The following XKR6 variants were observed in gnomAD, a reference collection of about 807,000 sequenced individuals.
XKR6 encodes the protein XK related 6.
In XKR6, 22 loss-of-function variants were observed where a neutral mutation model predicts 56.7. The observed-to-expected ratio is 0.39, with a 90% CI of 0.28 to 0.55. The LOEUF (loss-of-function observed/expected upper bound fraction) is 0.55, where lower values mean the gene tolerates loss of function less well. Ranked by LOEUF, XKR6 falls within the 20% of genes least tolerant of loss-of-function variation. The pLI, the probability that XKR6 is intolerant of heterozygous loss-of-function variation, is 0.66. For synonymous variants in XKR6, 524 were observed against 387.8 expected, an observed-to-expected ratio of 1.35 and a Z score of -4.13; for missense variants, 852 against 889.0, an observed-to-expected ratio of 0.96 and a Z score of 0.53.
At chr8:10,945,067 G>T (rs766264699) in intron 1 of XKR6, among the ~76,000 whole-genome samples, 1 of 152,120 alleles carries the variant, frequency 6.6e-6, no homozygotes, top group Non-Finnish European at 1.5e-5. Flanking sequence ...CCCAGGGCTC[G>T]GGAGAGCATT....
rs767112409 is a variant in XKR6 at position 10,945,960 on chromosome 8, T to C, written c.765-21130A>G. Among the ~76,000 whole-genome samples, 45 of 152,184 alleles carry C rather than the reference T, an allele frequency of 3.0e-4. No homozygotes were observed. The East Asian group carries it at 3.1e-3, about 10-fold the overall frequency. On this transcript the variant is annotated intron_variant, in intron 1 of 2. Transcript: ENST00000416569. ...CCCGGAGTGAATATGGGGACTATAT[T>C]TGATTCCTCTCTAGCCCCCACGCAG...
intron 1 of XKR6, chr8:11,062,759 C>A (rs575781782): frequency 5.0e-5 from 23 of 456,140 alleles, no homozygotes; most frequent in African/African-American, 2.8e-4. Flanking sequence ...TACGTACTTA[C>A]AGAAATTGTT....
At chr8:10,957,425 G>A (rs560208761) in intron 1 of XKR6, among the ~76,000 whole-genome samples, 12 of 152,242 alleles carry the variant, frequency 7.9e-5, no homozygotes, top group Middle Eastern at 3.4e-3. Flanking sequence ...CTACTCCCTG[G>A]GGTCCACAGA....
At chr8:11,110,673 T>A (rs1798853479) in intron 1 of XKR6, among the ~76,000 whole-genome samples, 1 of 152,168 alleles carries the variant, frequency 6.6e-6, no homozygotes. Context: ...AGTTTCTTAA[T>A]CCCAGGAACA....
intron 1 of XKR6, among the ~76,000 whole-genome samples, chr8:10,978,894 C>G (rs1473643507): frequency 6.6e-6 from 1 of 152,202 alleles, no homozygotes; most frequent in East Asian, 1.9e-4. Flanking sequence ...ACGTTCCAGG[C>G]CTCCCAGATG....
intron 1 of XKR6, among the ~76,000 whole-genome samples, chr8:10,940,315 A>G (rs1018118014): frequency 6.6e-6 from 1 of 152,218 alleles, no homozygotes; most frequent in Middle Eastern, 3.2e-3. Context: ...TCCTTGGTCA[A>G]CATTCGAGAA....
intron 1 of XKR6, among the ~76,000 whole-genome samples, chr8:10,939,325 G>A (rs1386854646): frequency 1.3e-5 from 2 of 152,172 alleles, no homozygotes; most frequent in Non-Finnish European, 2.9e-5. Context: ...GTCTCTTTGG[G>A]CCTGGCCCCA....
intron 1 of XKR6, among the ~76,000 whole-genome samples, chr8:11,146,987 T>A (rs1381702978): frequency 2.7e-5 from 4 of 150,664 alleles, no homozygotes; most frequent in Non-Finnish European, 5.9e-5. Flanking sequence ...AATGGGGAGG[T>A]GATGGTCAAA....
intron 2 of XKR6, among the ~76,000 whole-genome samples, chr8:10,900,881 G>A (rs1800017826): frequency 7.7e-5 from 8 of 104,258 alleles, no homozygotes; most frequent in Non-Finnish European, 1.6e-4. Context: ...TTGAGACAGG[G>A]TTTTACCCTG....
At chr8:11,186,451 C>T (rs969081103) in intron 1 of XKR6, among the ~76,000 whole-genome samples, 1 of 152,152 alleles carries the variant, frequency 6.6e-6, no homozygotes, top group Non-Finnish European at 1.5e-5. Context: ...ATCACAGGCC[C>T]CTGCAGCCTC....
chr8:10,954,638 A>G (rs1030633342), intron 1 of XKR6, among the ~76,000 whole-genome samples: 1 of 152,142 alleles, frequency 6.6e-6, no homozygotes, highest in African/African-American at 2.4e-5. Context: ...TGTCCTCTGA[A>G]GCACAGAAAT....
intron 1 of XKR6, among the ~76,000 whole-genome samples, chr8:11,143,377 T>G (rs1448683315): frequency 6.6e-6 from 1 of 152,106 alleles, no homozygotes; most frequent in Non-Finnish European, 1.5e-5. Context: ...CACTACAACA[T>G]ATAATTGTGC....
intron 1 of XKR6, among the ~76,000 whole-genome samples, chr8:10,953,754 C>T (rs530831390): frequency 6.6e-6 from 1 of 152,224 alleles, no homozygotes; most frequent in Non-Finnish European, 1.5e-5. Flanking sequence ...TCGCCACCAT[C>T]TAGTCCCAGA....
At position 11,200,856 on chromosome 8, in the gene XKR6, A is replaced by T; in HGVS notation, c.484T>A (p.Phe162Ile). 1 of 1,611,990 alleles carries T rather than the reference A, an allele frequency of 6.2e-7. No homozygotes were observed. Among genetic ancestry groups the T allele is most frequent in the South Asian group, 1.1e-5 (1 of 90,998 alleles). ...AGCACGAAGAAGAGGGTCAGCCCGA[A>T]GTAGACGTAGTCCCCCTTGCGGTAG... ...DYYRKGDYVY[F>I]GLTLFFVLVP... The change falls in exon 1 of 3, where the codon TTC (phenylalanine) becomes ATC (isoleucine). Residue 162 changes from phenylalanine (F) to isoleucine (I), a missense_variant. Transcript: ENST00000416569. The surrounding 1 kb of genome is among the most constrained non-coding windows in gnomAD (Gnocchi z 6.4).
At position 11,132,606 on chromosome 8, in the gene XKR6, C is replaced by G. The variant is rs191067878; in HGVS notation, c.764+67970G>C. 3.2e-4 allele frequency among the ~76,000 whole-genome samples: 48 copies of G among 152,066 alleles called. No individual in the cohort carries two copies. The East Asian group carries it at 7.7e-3, about 25-fold the overall frequency. On this transcript the variant is annotated intron_variant, in intron 1 of 2. Transcript: ENST00000416569. ...TGAACTCCTGGCCTCAAGTGATCCA[C>G]CCACCTCGATCTCCCAAAGTGCTGG...
At chr8:11,130,592 C>T (rs973877267) in intron 1 of XKR6, among the ~76,000 whole-genome samples, 8 of 151,348 alleles carry the variant, frequency 5.3e-5, no homozygotes, top group Admixed American at 6.6e-5. Context: ...ATGGCTAAGA[C>T]GGCCTTTTCT....
At chr8:10,913,017 G>C (rs1800453743) in intron 2 of XKR6, among the ~76,000 whole-genome samples, 1 of 146,978 alleles carries the variant, frequency 6.8e-6, no homozygotes, top group South Asian at 2.2e-4. Flanking sequence ...TACAGAGAGA[G>C]AGGAGAGAAA....
At chr8:11,050,741 C>T (rs1799525992) in intron 1 of XKR6, among the ~76,000 whole-genome samples, 1 of 152,154 alleles carries the variant, frequency 6.6e-6, no homozygotes, top group African/African-American at 2.4e-5. Context: ...CAGCCACTCG[C>T]TTACATGCCC....
intron 1 of XKR6, among the ~76,000 whole-genome samples, chr8:11,065,050 A>C (rs1406822920): frequency 2.0e-5 from 3 of 152,222 alleles, no homozygotes; most frequent in Admixed American, 6.5e-5. Flanking sequence ...CACAGCATAA[A>C]ATTTAAAAAA....
Sources: gnomAD v4.1 joint callset for allele counts (sites outside exome capture counted in the v4.1 genomes callset) on GRCh38, gnomAD v4.1.1 for gene constraint, Gnocchi (gnomAD v3.1) non-coding constraint, MANE v1.5 for transcripts, NCBI Gene and HGNC (gene_info 2026-07-23, HGNC 2026-07-21) for gene names.